Variants in CDH6 observed in about 807,000 individuals in gnomAD.
CDH6 encodes the protein cadherin-6.
In CDH6, 31 loss-of-function variants were observed where a neutral mutation model predicts 78.0. The observed-to-expected ratio is 0.40, with a 90% CI of 0.30 to 0.54. CDH6 has a LOEUF of 0.54. CDH6 is among the 20% of genes least tolerant of loss of function. CDH6 has a pLI of 0.56. For missense variants in CDH6, 724 were observed against 975.9 expected, an observed-to-expected ratio of 0.74 and a Z score of 3.44; for synonymous variants, 376 against 368.8, an observed-to-expected ratio of 1.02 and a Z score of -0.23.
intron 1 of CDH6, among the ~76,000 whole-genome samples, chr5:31,252,837 C>G (rs1366377722): frequency 1.3e-5 from 2 of 151,798 alleles, no homozygotes; most frequent in African/African-American, 4.8e-5. Flanking sequence ...GACTCAAATA[C>G]AGTAAATTGT....
At chr5:31,232,749 A>G (rs1350467631) in intron 1 of CDH6, among the ~76,000 whole-genome samples, 1 of 152,234 alleles carries the variant, frequency 6.6e-6, no homozygotes, top group African/African-American at 2.4e-5. Context: ...AATATCATCT[A>G]TTCATTTGGA....
intron 1 of CDH6, among the ~76,000 whole-genome samples, chr5:31,211,004 C>A (rs1740690114): frequency 6.6e-6 from 1 of 152,130 alleles, no homozygotes; most frequent in South Asian, 2.1e-4. Context: ...GGGTTACCTG[C>A]AAAATGACAA....
At chr5:31,306,080 G>A (rs574671043) in intron 7 of CDH6, among the ~76,000 whole-genome samples, 1 of 152,272 alleles carries the variant, frequency 6.6e-6, no homozygotes, top group African/African-American at 2.4e-5. Flanking sequence ...TTGTCAAAGA[G>A]TGGCATAGAA....
chr5:31,290,314 G>A (rs1301893329), intron 2 of CDH6, among the ~76,000 whole-genome samples: 1 of 152,134 alleles, frequency 6.6e-6, no homozygotes, highest in African/African-American at 2.4e-5. Context: ...AAGACCAAGA[G>A]CTCCCTCTGG....
intron 1 of CDH6, among the ~76,000 whole-genome samples, chr5:31,255,611 C>A (rs192683818): frequency 6.6e-6 from 1 of 152,202 alleles, no homozygotes; most frequent in Non-Finnish European, 1.5e-5. Flanking sequence ...CTGTCTAGAG[C>A]AAGTTTAATT....
chr5:31,320,776 G>A (rs183399371), intron 11 of CDH6, among the ~76,000 whole-genome samples: 143 of 152,170 alleles, frequency 9.4e-4, no homozygotes, highest in East Asian at 9.1e-3. Context: ...TCAGGAGTTC[G>A]AGACGAGCCT....
At chr5:31,276,476 T>C (rs1742695893) in intron 2 of CDH6, among the ~76,000 whole-genome samples, 9 of 152,010 alleles carry the variant, frequency 5.9e-5, no homozygotes, top group Admixed American at 5.9e-4. Context: ...ATATTTTAGG[T>C]GAGTTGGTGT....
intron 1 of CDH6, among the ~76,000 whole-genome samples, chr5:31,201,541 T>TA (rs1426909599): frequency 6.6e-6 from 1 of 152,202 alleles, no homozygotes; most frequent in African/African-American, 2.4e-5. Flanking sequence ...GCTTTGAAGT[T>TA]AAAATGTCAA....
intron 1 of CDH6, among the ~76,000 whole-genome samples, chr5:31,208,048 T>C (rs1361546448): frequency 6.6e-6 from 1 of 152,220 alleles, no homozygotes; most frequent in Non-Finnish European, 1.5e-5. Context: ...GGCCCGGAGC[T>C]CTGGGAGCCC....
At chr5:31,307,608 T>G (rs566532708) in intron 7 of CDH6, among the ~76,000 whole-genome samples, 2 of 152,360 alleles carry the variant, frequency 1.3e-5, no homozygotes, top group Admixed American at 1.3e-4. Flanking sequence ...TAGTTTTCAC[T>G]AATATATGTG....
intron 6 of CDH6, chr5:31,302,590 G>A (rs1202104208): frequency 1.3e-5 from 3 of 238,876 alleles, no homozygotes; most frequent in South Asian, 7.6e-5. Flanking sequence ...GTGGGTGCCT[G>A]TAATCCCAGC....
At chr5:31,302,345 T>C (rs1030728722) in intron 6 of CDH6, 47 bp downstream of exon 6, 5 of 1,400,636 alleles carry the variant, frequency 3.6e-6, no homozygotes, top group Non-Finnish European at 3.9e-6. Context: ...CATTTACTTT[T>C]CTCCAGTTCC....
At chr5:31,302,963 G>GA (rs1405093196) in intron 6 of CDH6, among the ~76,000 whole-genome samples, 3 of 81,896 alleles carry the variant, frequency 3.7e-5, no homozygotes, top group South Asian at 8.4e-4. Flanking sequence ...AAGAAGGAAA[G>GA]AAAAGAAAGA....
At chr5:31,281,347 T>G (rs1246441072) in intron 2 of CDH6, among the ~76,000 whole-genome samples, 16 of 133,140 alleles carry the variant, frequency 1.2e-4, no homozygotes, top group Non-Finnish European at 1.6e-4. Flanking sequence ...GGAGTGTGTG[T>G]GGGGGGTGTG....
At chr5:31,252,351 G>A (rs1056258007) in intron 1 of CDH6, among the ~76,000 whole-genome samples, 4 of 151,664 alleles carry the variant, frequency 2.6e-5, no homozygotes, top group African/African-American at 7.3e-5. Context: ...GTGTGTGTGT[G>A]TATTTTTATT....
chr5:31,266,019 G>T (rs1742340913), intron 1 of CDH6, among the ~76,000 whole-genome samples: 1 of 151,774 alleles, frequency 6.6e-6, no homozygotes, highest in Admixed American at 6.6e-5. Context: ...CTCATGATCT[G>T]CCCACCTCGG....
chr5:31,299,147 T>C (rs2962799), intron 4 of CDH6, among the ~76,000 whole-genome samples: 76,391 of 151,970 alleles, frequency 0.5, 19,968 homozygotes, highest in East Asian at 0.58. Flanking sequence ...CTTATAACAC[T>C]TAATGTTTAT....
In CDH6 at chr5:31,323,006, G is replaced by C; in HGVS notation, c.2071G>C (p.Asp691His). The C allele has an allele frequency of 3.7e-6, 6 of 1,614,130 alleles. No homozygotes were observed. Among genetic ancestry groups the C allele is most frequent in the Non-Finnish European group, 5.1e-6 (6 of 1,180,014 alleles). Residue 691 changes from aspartate to histidine, a missense_variant, in exon 12 of 12, where the codon GAC becomes CAC. Around this residue, in one of 3 missense-constraint regions of CDH6, gnomAD observed 220 missense variants for 240.6 expected, o/e 0.91. Coordinates refer to ENST00000265071, the MANE Select transcript of CDH6 (RefSeq NM_004932.4). ...EAIEDNKLRR[D>H]IVPEALFLPR... ...CATAGAGGACAACAAATTACGAAGGGACATTGTGCCCGAAGCCCTTTTCCT... is the reference window on the plus strand; with the variant it reads ...CATAGAGGACAACAAATTACGAAGGCACATTGTGCCCGAAGCCCTTTTCCT...
chr5:31,239,612 G>A (rs1248221809), intron 1 of CDH6, among the ~76,000 whole-genome samples: 1 of 152,198 alleles, frequency 6.6e-6, no homozygotes, highest in Non-Finnish European at 1.5e-5. Context: ...TAAAAGCAAG[G>A]TGAATTTAGG....
Sources: gnomAD v4.1 joint callset for allele counts (sites outside exome capture counted in the v4.1 genomes callset) on GRCh38, gnomAD v4.1.1 for gene constraint, gnomAD v4.1.1 regional missense constraint, MANE v1.5 for transcripts, NCBI Gene and HGNC (gene_info 2026-07-23, HGNC 2026-07-21) for gene names.